Variants in PDE4D observed in about 807,000 individuals in gnomAD.
PDE4D encodes phosphodiesterase 4D.
Under a neutral mutation model 87.4 loss-of-function variants are expected in PDE4D, and 24 were observed. The ratio of observed to expected loss-of-function variants is 0.27; its 90% CI spans 0.20 to 0.39. The LOEUF is 0.39. Among genes scored for constraint, PDE4D ranks in the 10% least tolerant of loss-of-function variants. The probability of loss-of-function intolerance (pLI) is 1.00; values close to 1 mark genes in which losing one functional copy is unlikely to be tolerated. For missense variants in PDE4D, 714 were observed against 1,041.0 expected, an observed-to-expected ratio of 0.69 and a Z score of 4.32; for synonymous variants, 384 against 383.2, an observed-to-expected ratio of 1.00 and a Z score of -0.02.
chr5:60,082,253 TA>T (rs1489024457), intron 2 of PDE4D, among the ~76,000 whole-genome samples: 1 of 152,136 alleles, frequency 6.6e-6, no homozygotes, highest in Non-Finnish European at 1.5e-5. Flanking sequence ...TAAATGGGAT[TA>T]ATACCCTTAT....
intron 1 of PDE4D, among the ~76,000 whole-genome samples, chr5:60,402,635 A>G (rs911579897): frequency 9.9e-5 from 15 of 152,196 alleles, no homozygotes; most frequent in African/African-American, 3.6e-4. Flanking sequence ...CACAATACAC[A>G]CAAGCCTTGC....
In PDE4D at chr5:59,296,956, A is replaced by G. The variant is rs116811958; in HGVS notation, c.456-80988T>C. The stretch of plus-strand genomic sequence containing the variant: ...CATTGTTAGGCACTGTAGACAGTAC[A>G]TAAGTTAACTGAGATCTGATACTTC... On this transcript the variant is annotated intron_variant, in intron 1 of 14. Transcript: ENST00000340635. Among the ~76,000 whole-genome samples, 20 of 152,310 alleles carry G rather than the reference A, an allele frequency of 1.3e-4. No individual in the cohort carries two copies. In the South Asian group the frequency reaches 3.5e-3, roughly 27 times the overall value.
intron 1 of PDE4D, among the ~76,000 whole-genome samples, chr5:59,333,077 CCAAG>C (rs1777023229): frequency 6.6e-6 from 1 of 152,152 alleles, no homozygotes; most frequent in African/African-American, 2.4e-5. Context: ...AACTGATATA[CCAAG>C]CATATCTGTT....
intron 1 of PDE4D, among the ~76,000 whole-genome samples, chr5:60,387,735 A>T (rs1391222713): frequency 6.6e-6 from 1 of 152,160 alleles, no homozygotes; most frequent in Non-Finnish European, 1.5e-5. Context: ...AGTCATCAAC[A>T]CAGAAGAAGC....
intron 3 of PDE4D, among the ~76,000 whole-genome samples, chr5:59,186,209 C>A (rs1742877910): frequency 6.6e-6 from 1 of 152,276 alleles, no homozygotes; most frequent in Non-Finnish European, 1.5e-5. Flanking sequence ...TACCTAACAA[C>A]CCAGACTGTC....
At chr5:59,383,954 A>T (rs1176875711) in intron 1 of PDE4D, among the ~76,000 whole-genome samples, 2 of 152,136 alleles carry the variant, frequency 1.3e-5, no homozygotes, top group Admixed American at 1.3e-4. Flanking sequence ...AGTGGTGCAA[A>T]CACGGCTCAC....
chr5:60,233,400 T>C (rs1746039206), intron 1 of PDE4D, among the ~76,000 whole-genome samples: 3 of 151,818 alleles, frequency 2.0e-5, no homozygotes, highest in Non-Finnish European at 4.4e-5. Context: ...AACAAAGACA[T>C]AGTTATAGAA....
At chr5:58,999,540 TG>T in intron 6 of PDE4D, 1 of 1,491,532 alleles carries the variant, frequency 6.7e-7, no homozygotes, top group South Asian at 1.2e-5. Context: ...CAGGCATTTT[TG>T]ATTGATTATA....
intron 3 of PDE4D, among the ~76,000 whole-genome samples, chr5:59,918,484 T>C (rs1754312879): frequency 6.6e-6 from 1 of 152,190 alleles, no homozygotes; most frequent in South Asian, 2.1e-4. Flanking sequence ...GGGCAGGAAC[T>C]TTAAGTTGCT....
chr5:60,402,101 A>T (rs1741144842), intron 1 of PDE4D, among the ~76,000 whole-genome samples: 1 of 152,210 alleles, frequency 6.6e-6, no homozygotes, highest in Non-Finnish European at 1.5e-5. Flanking sequence ...GCTCTCTCTC[A>T]GAGTAGATGG....
intron 6 of PDE4D, among the ~76,000 whole-genome samples, chr5:59,012,681 T>TA (rs1260651382): frequency 6.6e-6 from 1 of 152,178 alleles, no homozygotes; most frequent in Non-Finnish European, 1.5e-5. Flanking sequence ...CTAAGAGACT[T>TA]AGACTTCTAC....
At chr5:59,439,300 C>T (rs1797234024) in intron 1 of PDE4D, among the ~76,000 whole-genome samples, 1 of 144,394 alleles carries the variant, frequency 6.9e-6, no homozygotes, top group South Asian at 2.2e-4. Context: ...CCAGAGGTTG[C>T]AGTGAGTGAA....
At chr5:59,021,758 T>C (rs1426380061) in intron 6 of PDE4D, among the ~76,000 whole-genome samples, 1 of 152,210 alleles carries the variant, frequency 6.6e-6, no homozygotes, top group Non-Finnish European at 1.5e-5. Context: ...ATTTAGGAGA[T>C]TTAAAATGGA....
intron 1 of PDE4D, among the ~76,000 whole-genome samples, chr5:60,257,086 A>T (rs1749131072): frequency 1.3e-5 from 2 of 151,838 alleles, no homozygotes; most frequent in African/African-American, 4.8e-5. Context: ...CAATAAAGCT[A>T]TTTTTAAAAT....
chr5:60,464,754 C>T (rs1166246541), intron 1 of PDE4D, among the ~76,000 whole-genome samples: 4 of 152,118 alleles, frequency 2.6e-5, no homozygotes, highest in Admixed American at 1.3e-4. Flanking sequence ...AATTTCCACT[C>T]ATCATACTGT....
intron 1 of PDE4D, among the ~76,000 whole-genome samples, chr5:59,500,534 A>G (rs1294087756): frequency 1.3e-5 from 2 of 152,208 alleles, no homozygotes; most frequent in African/African-American, 4.8e-5. Context: ...GTTCTTACTT[A>G]TAAGTGGGAG....
intron 1 of PDE4D, among the ~76,000 whole-genome samples, chr5:59,590,084 T>C (rs1199697867): frequency 6.6e-6 from 1 of 152,094 alleles, no homozygotes; most frequent in Non-Finnish European, 1.5e-5. Context: ...TTTGCAGACA[T>C]AAGGCAACAA....
chr5:59,772,943 C>T (rs1193833547), intron 1 of PDE4D, among the ~76,000 whole-genome samples: 2 of 152,098 alleles, frequency 1.3e-5, no homozygotes, highest in African/African-American at 4.8e-5. Flanking sequence ...AGTTCCAGAT[C>T]TGTGAAATAG....
At chr5:59,542,662 T>C (rs1465833288) in intron 1 of PDE4D, among the ~76,000 whole-genome samples, 1 of 152,194 alleles carries the variant, frequency 6.6e-6, no homozygotes, top group African/African-American at 2.4e-5. Flanking sequence ...AATCTCTCTC[T>C]TGAAATTCTA....
Sources: allele counts gnomAD v4.1 joint callset (sites outside exome capture counted in the v4.1 genomes callset), GRCh38; gene constraint gnomAD v4.1.1; transcripts MANE v1.5; gene names NCBI Gene and HGNC (gene_info 2026-07-23, HGNC 2026-07-21).